GRIN3B: variants seen among roughly 807,000 people sequenced by gnomAD.
The protein encoded by GRIN3B is glutamate ionotropic receptor NMDA type subunit 3B.
Under a neutral mutation model 66.0 loss-of-function variants are expected in GRIN3B, and 77 were observed. That is an observed-to-expected ratio of 1.17 (90% CI 0.97 to 1.41). GRIN3B has a LOEUF of 1.41. Among genes scored for constraint, GRIN3B ranks in the 40% most tolerant of loss-of-function variants. GRIN3B has a pLI of 0.00. For synonymous variants in GRIN3B, 823 were observed against 749.7 expected, an observed-to-expected ratio of 1.10 and a Z score of -1.60; for missense variants, 1,787 against 1,564.5, an observed-to-expected ratio of 1.14 and a Z score of -2.40.
rs765385702 is a variant in GRIN3B, at chr19:1,005,312, C to T, written c.1811C>T (p.Thr604Met). Residue 604 changes from threonine to methionine, a missense_variant, in exon 3 of 9, where the codon ACG (threonine) becomes ATG (methionine). Transcript: ENST00000234389. The surrounding 1 kb of genome is among the most constrained non-coding windows in gnomAD (Gnocchi z 5.2). ...GAGTGGCGTAGCCCCTACGGCCTCA[C>T]GCCACGTGGCCGCAACCGCAGCACC... ...VYEWRSPYGL[T>M]PRGRNRSTVF... 120 of 1,613,640 alleles carry T rather than the reference C, an allele frequency of 7.4e-5. 2 individuals carry two copies. The South Asian group carries it at 1.0e-3, about 14-fold the overall frequency.
intron 1 of GRIN3B, among the ~76,000 whole-genome samples, chr19:1,001,810 G>A (rs565077310): frequency 1.3e-5 from 2 of 152,196 alleles, no homozygotes; most frequent in East Asian, 1.9e-4. Context: ...GGAGAGGCGG[G>A]GCCCAAACCC....
In GRIN3B at chr19:1,004,511, C is replaced by A; in HGVS notation, c.1020-10C>A. The A allele has an allele frequency of 1.3e-6, 2 of 1,562,536 alleles. No individual in the cohort carries two copies. Among genetic ancestry groups the A allele is most frequent in the South Asian group, 2.3e-5 (2 of 86,118 alleles). ...TTCGACACCTGACACCCCCCCCGCC[C>A]TGCCCCTAGGTTCCTGGCCAACACG... On this transcript the variant is annotated splice_polypyrimidine_tract_variant and intron_variant, in intron 2 of 8. Transcript: ENST00000234389.
In GRIN3B at chr19:1,009,198, CA is replaced by C; in HGVS notation, c.2729del (p.Gln910ArgfsTer175). The part of the protein sequence containing the change: ...PSGPEVEQQQ[Q>X]QQDQPTAPEG... Reference sequence around the variant, plus strand: ...CGGCCCCGAGGTGGAGCAGCAGCAGCAGCAGCAGGACCAGCCAACGGCTCCG... The same window carrying C: ...CGGCCCCGAGGTGGAGCAGCAGCAGCGCAGCAGGACCAGCCAACGGCTCCG... On this transcript the variant is annotated frameshift_variant, in exon 9 of 9. Coordinates refer to ENST00000234389, the MANE Select transcript of GRIN3B (RefSeq NM_138690.3). LOFTEE classifies it low-confidence loss of function (END_TRUNC). 6.8e-7 allele frequency: 1 copy of C among 1,477,482 alleles called. No homozygotes were observed. The highest frequency in any genetic ancestry group is 2.5e-5 in the Admixed American group (1 of 39,610). The allele number at this position is 1,477,482 out of a possible 1,614,324, so 91.5% of individuals were successfully genotyped here. A position where few individuals can be genotyped will look rare whatever the true frequency, so the allele number is the denominator to read the frequency against.
At chr19:1,001,792 G>T (rs1034412786) in intron 1 of GRIN3B, among the ~76,000 whole-genome samples, 2 of 152,112 alleles carry the variant, frequency 1.3e-5, no homozygotes, top group Non-Finnish European at 2.9e-5. Context: ...ACCGCCCTAG[G>T]GCTGGTGGGA....
chr19:1,000,494 C>G lies in GRIN3B; in HGVS notation c.57C>G (p.Ser19=). 8.3e-7 allele frequency: 1 copy of G among 1,202,714 alleles called. No homozygotes were observed. Among genetic ancestry groups the G allele is most frequent in the Non-Finnish European group, 1.0e-6 (1 of 968,576 alleles). 74.5% of individuals were successfully genotyped at this position (1,202,714 alleles called of 1,614,324 possible). A position where few individuals can be genotyped will look rare whatever the true frequency, so the allele number is the denominator to read the frequency against. The part of the protein sequence containing the change: ...LGLALALGPG[S]AGGHPQPCGV... ...TGGCGCTGGCGCTGGGGCCGGGGTCCGCGGGGGGCCACCCTCAGCCGTGCG... is the reference window on the plus strand; with the variant it reads ...TGGCGCTGGCGCTGGGGCCGGGGTCGGCGGGGGGCCACCCTCAGCCGTGCG... The change falls in exon 1 of 9, where the codon TCC becomes TCG. Residue 19 remains serine (S), a synonymous_variant. Coordinates refer to ENST00000234389, the MANE Select transcript of GRIN3B (RefSeq NM_138690.3).
rs1241007457 is a variant in GRIN3B at position 1,006,616 on chromosome 19, T to C, written c.2053-1012T>C. ...CATCGTGCCCGGCCTCCCCTTGTAA[T>C]TTCTTGGCAAAGTCGGGTTTTCTGC... On this transcript the variant is annotated intron_variant, in intron 3 of 8. Coordinates refer to ENST00000234389, the MANE Select transcript of GRIN3B (RefSeq NM_138690.3). 1.5e-4 allele frequency among the ~76,000 whole-genome samples: 23 copies of C among 152,278 alleles called. No individual in the cohort carries two copies. In the East Asian group the frequency reaches 4.1e-3, roughly 27 times the overall value.
rs1378117968 is a variant in GRIN3B, at chr19:1,005,552, A to T, written c.2051A>T (p.Lys684Met). Reference protein sequence around the residue: ...FEELSGIHDPKLHHPAQGFRF... With the variant: ...FEELSGIHDPMLHHPAQGFRF... ...GAGCTGTCGGGGATCCACGACCCCA[A>T]GGTGGGCGGCCTCGGGGGGCTGCGG... The change falls in exon 3 of 9, where the codon AAG becomes ATG. Residue 684 changes from lysine to methionine, a missense_variant and splice_region_variant. By Grantham distance (95) the Lys-to-Met change is moderately conservative (BLOSUM62 -1). Coordinates refer to ENST00000234389, the MANE Select transcript of GRIN3B (RefSeq NM_138690.3). The surrounding 1 kb of genome is among the most constrained non-coding windows in gnomAD (Gnocchi z 5.2). 6.3e-7 allele frequency: 1 copy of T among 1,584,330 alleles called. No homozygotes were observed.
chr19:1,009,335 G>T lies in GRIN3B; in HGVS notation c.2865G>T (p.Ala955=). Residue 955 remains alanine (A), a synonymous_variant, in exon 9 of 9, where the codon GCG becomes GCT. Coordinates refer to ENST00000234389, the MANE Select transcript of GRIN3B (RefSeq NM_138690.3). ...APEADAEAEA[A]PREGPVWLCS... ...AAGCGGACGCGGAGGCGGAGGCTGC[G>T]CCGCGAGAGGGCCCCGTCTGGCTGT... The T allele has an allele frequency of 7.2e-7, 1 of 1,396,480 alleles. No individual in the cohort carries two copies. Among genetic ancestry groups the T allele is most frequent in the Non-Finnish European group, 9.2e-7 (1 of 1,084,630 alleles). 86.5% of individuals were successfully genotyped at this position (1,396,480 alleles called of 1,614,324 possible).
Position 1,005,683 on chromosome 19 carries a change from A to T in GRIN3B, c.2052+130A>T. The stretch of plus-strand genomic sequence containing the variant: ...TAGGCCAACTCTGGTCCCAAGAGAC[A>T]TTTATTCAATTAATTTATTTATTTA... On this transcript the variant is annotated intron_variant, in intron 3 of 8. Transcript: ENST00000234389. The surrounding 1 kb of genome is among the most constrained non-coding windows in gnomAD (Gnocchi z 5.2). 1 of 682,850 alleles carries T rather than the reference A, an allele frequency of 1.5e-6. No individual in the cohort carries two copies. The highest frequency in any genetic ancestry group is 2.4e-6 in the Non-Finnish European group (1 of 419,366). 42.3% of individuals were successfully genotyped at this position (682,850 alleles called of 1,614,324 possible).
At position 1,000,595 on chromosome 19, in the gene GRIN3B, C is replaced by A; in HGVS notation, c.158C>A (p.Ala53Asp). ...CGCGCGCCTCTCGCCCGCGCCCGCG[C>A]CCGCGCCGCCCTGGCCCGGGCCGCC... is the stretch of plus-strand genomic sequence containing the variant. ...LPRAPLARAR[A>D]RAALARAALA... Residue 53 changes from alanine to aspartate, a missense_variant, in exon 1 of 9, where the codon GCC becomes GAC. Transcript: ENST00000234389. The A allele has an allele frequency of 9.7e-7, 1 of 1,032,882 alleles. No individual in the cohort carries two copies. The allele number at this position is 1,032,882 out of a possible 1,614,324, so 64.0% of individuals were successfully genotyped here. A position where few individuals can be genotyped will look rare whatever the true frequency, so the allele number is the denominator to read the frequency against.
At position 1,005,989 on chromosome 19, in the gene GRIN3B, G is replaced by A. The variant is rs529104239; in HGVS notation, c.2052+436G>A. Among the ~76,000 whole-genome samples the A allele has an allele frequency of 6.6e-6, 1 of 152,218 alleles. No individual in the cohort carries two copies. Among genetic ancestry groups the A allele is most frequent in the East Asian group, 1.9e-4 (1 of 5,164 alleles). On this transcript the variant is annotated intron_variant, in intron 3 of 8. Coordinates refer to ENST00000234389, the MANE Select transcript of GRIN3B (RefSeq NM_138690.3). This position sits in a 1 kb window ranked among gnomAD's most constrained non-coding sequence, Gnocchi z 5.2. ...ATTGCACTCTAGCCTGGGCAACAGA[G>A]CAAGACTCCGTCTCAAAAAACAAAA...
rs748469005 is a variant in GRIN3B, at chr19:1,005,558, G to C, written c.2052+5G>C. On this transcript the variant is annotated splice_donor_5th_base_variant and intron_variant, in intron 3 of 8. Transcript: ENST00000234389. The surrounding 1 kb of genome is among the most constrained non-coding windows in gnomAD (Gnocchi z 5.2). Reference sequence around the variant, plus strand: ...TCGGGGATCCACGACCCCAAGGTGGGCGGCCTCGGGGGGCTGCGGGTGGCC... The same window carrying C: ...TCGGGGATCCACGACCCCAAGGTGGCCGGCCTCGGGGGGCTGCGGGTGGCC... 1 of 1,570,138 alleles carries C rather than the reference G, an allele frequency of 6.4e-7. No individual in the cohort carries two copies. The highest frequency in any genetic ancestry group is 1.2e-5 in the South Asian group (1 of 85,468).
At position 1,005,646 on chromosome 19, in the gene GRIN3B, G is replaced by C; in HGVS notation, c.2052+93G>C. On this transcript the variant is annotated intron_variant, in intron 3 of 8. Coordinates refer to ENST00000234389, the MANE Select transcript of GRIN3B (RefSeq NM_138690.3). The surrounding 1 kb of genome is among the most constrained non-coding windows in gnomAD (Gnocchi z 5.2). Reference sequence around the variant, plus strand: ...GGGCAGGGGTGGTCAGCTGGACGTGGAGGACGTCCACTAGGCCAACTCTGG... The same window carrying C: ...GGGCAGGGGTGGTCAGCTGGACGTGCAGGACGTCCACTAGGCCAACTCTGG... 1 of 979,794 alleles carries C rather than the reference G, an allele frequency of 1.0e-6. No individual in the cohort carries two copies. The highest frequency in any genetic ancestry group is 1.5e-6 in the Non-Finnish European group (1 of 675,520). The allele number at this position is 979,794 out of a possible 1,614,324, so 60.7% of individuals were successfully genotyped here.
rs2038740592 is a variant in GRIN3B at position 1,005,595 on chromosome 19, G to A, written c.2052+42G>A. 9 of 1,482,910 alleles carry A rather than the reference G, an allele frequency of 6.1e-6. No homozygotes were observed. The highest frequency in any genetic ancestry group is 7.2e-6 in the Non-Finnish European group (8 of 1,105,884). The allele number at this position is 1,482,910 out of a possible 1,614,324, so 91.9% of individuals were successfully genotyped here. On this transcript the variant is annotated intron_variant, in intron 3 of 8. Coordinates refer to ENST00000234389, the MANE Select transcript of GRIN3B (RefSeq NM_138690.3). The surrounding 1 kb of genome is among the most constrained non-coding windows in gnomAD (Gnocchi z 5.2). ...GGCTGCGGGTGGCCTTGGGGGGCTA[G>A]CGGTGGCCCCGGGCTGGGCTGTGTG...
chr19:1,008,345 T>G, intron 6 of GRIN3B, 54 bp downstream of exon 6: 1 of 1,243,360 alleles, frequency 8.0e-7, no homozygotes, highest in Non-Finnish European at 1.1e-6. Context: ...TGGGGGGCCC[T>G]GAGCCTTGTC....
chr19:1,001,716 C>T (rs1458021261), intron 1 of GRIN3B, among the ~76,000 whole-genome samples: 3 of 152,024 alleles, frequency 2.0e-5, no homozygotes, highest in Non-Finnish European at 4.4e-5. Flanking sequence ...GGGAGGGAGA[C>T]CCTGACGCTA....
intron 1 of GRIN3B, 59 bp from the exon 2 acceptor site, chr19:1,003,071 G>A (rs116904494): frequency 0.047 from 58,247 of 1,229,728 alleles, 1,598 homozygotes; most frequent in Non-Finnish European, 0.053. Context: ...CTGCTGGGGT[G>A]GGAAGGGTTT....
In GRIN3B at chr19:1,000,863, G is replaced by A. The variant is rs1367540169; in HGVS notation, c.426G>A (p.Pro142=). The change falls in exon 1 of 9, where the codon CCG becomes CCA. Residue 142 remains proline (P), a splice_region_variant and synonymous_variant. Transcript: ENST00000234389. ...RREARAPLGA[P]NPFHLQLHWA... The stretch of plus-strand genomic sequence containing the variant: ...AGGCGCGCGCGCCCCTCGGAGCCCC[G>A]GTACGCGGGACGCCCGGAGTCAGGA... 4 of 1,408,524 alleles carry A rather than the reference G, an allele frequency of 2.8e-6. No individual in the cohort carries two copies. In the African/African-American group the frequency reaches 4.5e-5, roughly 16 times the overall value. 87.3% of individuals were successfully genotyped at this position (1,408,524 alleles called of 1,614,324 possible). A position where few individuals can be genotyped will look rare whatever the true frequency, so the allele number is the denominator to read the frequency against.
rs1188134746 is a variant in GRIN3B at position 1,000,822 on chromosome 19, A to G, written c.385A>G (p.Ser129Gly). 1 of 1,440,614 alleles carries G rather than the reference A, an allele frequency of 6.9e-7. No individual in the cohort carries two copies. Among genetic ancestry groups the G allele is most frequent in the South Asian group, 1.3e-5 (1 of 74,190 alleles). 89.2% of individuals were successfully genotyped at this position (1,440,614 alleles called of 1,614,324 possible). ...GGCGGCCACCGAGACCCCCGTGCTCAGCCTGCTGCGGCGGGAGGCGCGCGC... is the reference window on the plus strand; with the variant it reads ...GGCGGCCACCGAGACCCCCGTGCTCGGCCTGCTGCGGCGGGAGGCGCGCGC... ...LAAATETPVL[S>G]LLRREARAPL... Residue 129 changes from serine to glycine, a missense_variant, in exon 1 of 9, where the codon AGC becomes GGC. Ser to Gly is a moderately conservative substitution (Grantham distance 56). Coordinates refer to ENST00000234389, the MANE Select transcript of GRIN3B (RefSeq NM_138690.3).
Sources: gnomAD v4.1 joint callset for allele counts (sites outside exome capture counted in the v4.1 genomes callset) on GRCh38, gnomAD v4.1.1 for gene constraint, Gnocchi (gnomAD v3.1) non-coding constraint, MANE v1.5 for transcripts, NCBI Gene and HGNC (gene_info 2026-07-23, HGNC 2026-07-21) for gene names.